The following CSMD1 variants were observed in gnomAD, a reference collection of about 807,000 sequenced individuals.
CSMD1 encodes CUB and Sushi multiple domains 1, also known as CUB and sushi domain-containing protein 1.
CSMD1 carries 213 observed loss-of-function variants against 417.5 expected under a neutral mutation model. The observed-to-expected ratio is 0.51, with a 90% CI of 0.46 to 0.57. The LOEUF (loss-of-function observed/expected upper bound fraction) is 0.57, where lower values mean the gene tolerates loss of function less well. Ranked by LOEUF, CSMD1 falls within the 20% of genes least tolerant of loss-of-function variation. CSMD1 has a pLI of 0.00. For missense variants in CSMD1, 6,923 were observed against 4,529.7 expected (o/e 1.53, Z -15.17); for synonymous variants, 2,862 against 1,736.8 (o/e 1.65, Z -16.11).
intron 1 of CSMD1, among the ~76,000 whole-genome samples, chr8:4,973,201 G>C (rs934769728): frequency 6.6e-6 from 1 of 151,698 alleles, no homozygotes; most frequent in African/African-American, 2.4e-5. Flanking sequence ...GTGCCTTTTT[G>C]GTTCCTCTCA....
At chr8:3,906,417 G>A (rs1250310069) in intron 5 of CSMD1, among the ~76,000 whole-genome samples, 3 of 152,080 alleles carry the variant, frequency 2.0e-5, no homozygotes, top group African/African-American at 4.8e-5. Flanking sequence ...TAACGAACAT[G>A]ATATATAGTA....
At chr8:3,366,263 A>T (rs1435880693) in intron 20 of CSMD1, among the ~76,000 whole-genome samples, 1 of 152,152 alleles carries the variant, frequency 6.6e-6, no homozygotes, top group Non-Finnish European at 1.5e-5. Flanking sequence ...CATGCTGGAA[A>T]TGAAGACACT....
chr8:4,688,299 T>C (rs1442227268), intron 1 of CSMD1, among the ~76,000 whole-genome samples: 2 of 152,104 alleles, frequency 1.3e-5, no homozygotes. Context: ...GTCAAAAAAC[T>C]GAAAAAGCAT....
intron 26 of CSMD1, among the ~76,000 whole-genome samples, chr8:3,238,430 AAAAAT>A (rs1300354887): frequency 1.3e-5 from 2 of 152,108 alleles, no homozygotes; most frequent in Non-Finnish European, 2.9e-5. Context: ...TATTAATAAG[AAAAAT>A]AAAATGAAAT....
intron 7 of CSMD1, among the ~76,000 whole-genome samples, chr8:3,656,495 T>C (rs1034323533): frequency 6.6e-6 from 1 of 152,254 alleles, no homozygotes; most frequent in Non-Finnish European, 1.5e-5. Flanking sequence ...GCATTCATTA[T>C]GCAATAGTGC....
chr8:3,799,392 C>A, intron 5 of CSMD1, among the ~76,000 whole-genome samples: 1 of 99,222 alleles, frequency 1.0e-5, no homozygotes, highest in Non-Finnish European at 1.9e-5. Flanking sequence ...GCTATCCCTC[C>A]CCCCTCCCCC....
intron 2 of CSMD1, among the ~76,000 whole-genome samples, chr8:4,624,851 T>C (rs1287589684): frequency 6.6e-6 from 1 of 152,100 alleles, no homozygotes; most frequent in Non-Finnish European, 1.5e-5. Context: ...CCTTAGCCTT[T>C]CAAATTACAT....
At chr8:3,025,317 T>G (rs977281704) in intron 51 of CSMD1, among the ~76,000 whole-genome samples, 36 of 151,858 alleles carry the variant, frequency 2.4e-4, no homozygotes, top group Middle Eastern at 3.2e-3. Flanking sequence ...GGTGTTATTC[T>G]GAAACCGTGT....
chr8:3,533,888 G>T (rs996309601), intron 10 of CSMD1, among the ~76,000 whole-genome samples: 8 of 152,184 alleles, frequency 5.3e-5, no homozygotes, highest in African/African-American at 1.9e-4. Flanking sequence ...TCTTTCAGAT[G>T]TATCAGCTCG....
At chr8:4,281,504 G>C (rs1341502903) in intron 3 of CSMD1, among the ~76,000 whole-genome samples, 1 of 152,158 alleles carries the variant, frequency 6.6e-6, no homozygotes, top group Non-Finnish European at 1.5e-5. Context: ...AAGTTTTACT[G>C]AAATATCTTA....
Position 4,206,846 on chromosome 8 carries a change from A to G in CSMD1, c.416-174747T>C, listed in dbSNP as rs190636198. ...TTGAGTGATTATTTTGTGGGCTCCT[A>G]GAAGCAAATTGTTTTAATACAATAT... On this transcript the variant is annotated intron_variant, in intron 3 of 69. Coordinates refer to ENST00000635120, the MANE Select transcript of CSMD1 (RefSeq NM_033225.6). 4.6e-5 allele frequency among the ~76,000 whole-genome samples: 7 copies of G among 152,330 alleles called. No individual in the cohort carries two copies. In the East Asian group the frequency reaches 1.3e-3, roughly 29 times the overall value.
At position 3,881,399 on chromosome 8, in the gene CSMD1, G is replaced by T. The variant is rs539160812; in HGVS notation, c.818+116504C>A. On this transcript the variant is annotated intron_variant, in intron 5 of 69. Transcript: ENST00000635120. ...GCCTATAATCCCAGCACTTTGGGAGGCCGAGGCAGGCAGATCACAAGGTTA... is the reference window on the plus strand; with the variant it reads ...GCCTATAATCCCAGCACTTTGGGAGTCCGAGGCAGGCAGATCACAAGGTTA... Among the ~76,000 whole-genome samples, 18 of 151,534 alleles carry T rather than the reference G, an allele frequency of 1.2e-4. No individual in the cohort carries two copies. In the South Asian group the frequency reaches 1.2e-3, roughly 10 times the overall value.
intron 3 of CSMD1, among the ~76,000 whole-genome samples, chr8:4,087,762 T>C (rs1317676062): frequency 1.3e-5 from 2 of 152,206 alleles, no homozygotes; most frequent in African/African-American, 2.4e-5. Context: ...CTTAATCTTC[T>C]TTCTATATTT....
intron 3 of CSMD1, among the ~76,000 whole-genome samples, chr8:4,371,318 T>C (rs1050972329): frequency 6.6e-6 from 1 of 152,036 alleles, no homozygotes; most frequent in Non-Finnish European, 1.5e-5. Context: ...ACTCACAGAC[T>C]ACTGGCAACA....
chr8:4,292,634 C>T (rs1428724799), intron 3 of CSMD1, among the ~76,000 whole-genome samples: 1 of 152,100 alleles, frequency 6.6e-6, no homozygotes, highest in East Asian at 1.9e-4. Flanking sequence ...TTTTCTGTGC[C>T]TCAGTCTTGC....
At chr8:3,982,139 C>A (rs1281036894) in intron 5 of CSMD1, among the ~76,000 whole-genome samples, 1 of 149,004 alleles carries the variant, frequency 6.7e-6, no homozygotes, top group Non-Finnish European at 1.5e-5. Context: ...GCCTGGGTGA[C>A]ACAGCGAGGC....
At chr8:4,931,284 C>G (rs1807227932) in intron 1 of CSMD1, among the ~76,000 whole-genome samples, 1 of 152,140 alleles carries the variant, frequency 6.6e-6, no homozygotes, top group African/African-American at 2.4e-5. Context: ...CTTTTGTTCT[C>G]TCCTTCTGAT....
At chr8:4,451,716 A>G (rs1799156431) in intron 2 of CSMD1, among the ~76,000 whole-genome samples, 1 of 152,218 alleles carries the variant, frequency 6.6e-6, no homozygotes, top group East Asian at 1.9e-4. Context: ...AAGCTTTTTA[A>G]AATTAAAACA....
At chr8:3,555,597 A>G (rs759495234) in intron 10 of CSMD1, among the ~76,000 whole-genome samples, 2 of 152,212 alleles carry the variant, frequency 1.3e-5, no homozygotes, top group African/African-American at 4.8e-5. Context: ...ATTTTCTTTA[A>G]TTCTACAGAA....
Sources: gnomAD v4.1 joint callset for allele counts (sites outside exome capture counted in the v4.1 genomes callset) on GRCh38, gnomAD v4.1.1 for gene constraint, MANE v1.5 for transcripts, NCBI Gene and HGNC (gene_info 2026-07-23, HGNC 2026-07-21) for gene names.